Variants in UPF2 observed in about 807,000 individuals in gnomAD.
UPF2 encodes the protein UPF2 regulator of nonsense mediated mRNA decay.
In UPF2, 17 loss-of-function variants were observed where a neutral mutation model predicts 141.4. The observed-to-expected ratio is 0.12, with a 90% CI of 0.08 to 0.18. The LOEUF (loss-of-function observed/expected upper bound fraction) is 0.18, where lower values mean the gene tolerates loss of function less well. Ranked by LOEUF, UPF2 falls within the 10% of genes least tolerant of loss-of-function variation. The probability of loss-of-function intolerance (pLI) is 1.00; values close to 1 mark genes in which losing one functional copy is unlikely to be tolerated. For missense variants in UPF2, 1,152 were observed against 1,515.9 expected, an observed-to-expected ratio of 0.76 and a Z score of 3.99; for synonymous variants, 540 against 498.0, an observed-to-expected ratio of 1.08 and a Z score of -1.12.
At chr10:12,012,328 C>CTGG (rs1834142973) in intron 4 of UPF2, among the ~76,000 whole-genome samples, 1 of 152,026 alleles carries the variant, frequency 6.6e-6, no homozygotes, top group Non-Finnish European at 1.5e-5. Flanking sequence ...TCCCAAAGTG[C>CTGG]TGGGATTAGA....
chr10:12,021,638 A>G (rs1834319718), intron 3 of UPF2, among the ~76,000 whole-genome samples: 1 of 152,236 alleles, frequency 6.6e-6, no homozygotes, highest in Non-Finnish European at 1.5e-5. Context: ...AAATTCTATT[A>G]ATCATTAGCC....
chr10:12,009,627 A>C (rs1834094459), intron 4 of UPF2, among the ~76,000 whole-genome samples: 1 of 152,224 alleles, frequency 6.6e-6, no homozygotes, highest in Non-Finnish European at 1.5e-5. Flanking sequence ...CAGCTCTACA[A>C]TTGCCCCAGC....
intron 14 of UPF2, among the ~76,000 whole-genome samples, chr10:11,954,643 A>ATATATATAT (rs1554775870): frequency 1.1e-4 from 14 of 128,356 alleles, no homozygotes; most frequent in Admixed American, 8.8e-4. Flanking sequence ...CAAAAAAAAA[A>ATATATATAT]ATATATATAT....
In UPF2 at chr10:12,016,996, A is replaced by G. The variant is rs146862158; in HGVS notation, c.1146-2812T>C. Among the ~76,000 whole-genome samples the G allele has an allele frequency of 1.7e-3, 250 of 150,854 alleles. 1 individual carries two copies. The highest frequency in any genetic ancestry group is 5.6e-3 in the African/African-American group (231 of 41,036). On this transcript the variant is annotated intron_variant, in intron 3 of 21. Coordinates refer to ENST00000357604, the MANE Select transcript of UPF2 (RefSeq NM_015542.4). This position sits in a 1 kb window ranked among gnomAD's most constrained non-coding sequence, Gnocchi z 4.1. ...GATTGCACCATTGCACTCCAGCCTG[A>G]GCAACAGAGCGAGACTCCATCTCGG...
At chr10:12,035,735 C>T in intron 1 of UPF2, 1 of 219,212 alleles carries the variant, frequency 4.6e-6, no homozygotes, top group South Asian at 1.5e-4. Context: ...GTACCCATCA[C>T]TCAGATTCAG....
intron 9 of UPF2, among the ~76,000 whole-genome samples, chr10:11,976,431 G>T (rs916025571): frequency 3.9e-5 from 6 of 152,172 alleles, no homozygotes; most frequent in African/African-American, 1.4e-4. Flanking sequence ...AAATGTCTAG[G>T]TGCAAAAGTA....
chr10:11,956,508 G>C lies in UPF2; in HGVS notation c.2386C>G (p.Arg796Gly), dbSNP rs1171586067. Residue 796 changes from arginine (R) to glycine (G), a missense_variant, in exon 13 of 22, where the codon CGA becomes GGA. Around this residue, in one of 4 missense-constraint regions of UPF2, gnomAD observed 739 missense variants for 1,032.2 expected, o/e 0.72. Transcript: ENST00000357604. The surrounding 1 kb of genome is among the most constrained non-coding windows in gnomAD (Gnocchi z 4.2). ...TCTTGGTCCTGCCAGGGCAGCTTTC[G>C]CATCTGTCTCAAAACCTAAAAAAAG... ...VTTEKVLRQMRKLPWQDQEVK... is the reference protein window; with the variant it reads ...VTTEKVLRQMGKLPWQDQEVK... The C allele has an allele frequency of 6.2e-7, 1 of 1,613,346 alleles. No individual in the cohort carries two copies. The highest frequency in any genetic ancestry group is 8.5e-7 in the Non-Finnish European group (1 of 1,179,818).
At chr10:12,031,704 A>C (rs1175153971) in intron 2 of UPF2, among the ~76,000 whole-genome samples, 2 of 152,078 alleles carry the variant, frequency 1.3e-5, no homozygotes, top group African/African-American at 2.4e-5. Context: ...TGAGCCCAGG[A>C]GGTTGAAGCT....
intron 16 of UPF2, among the ~76,000 whole-genome samples, chr10:11,944,145 C>A (rs892556215): frequency 1.3e-5 from 2 of 152,004 alleles, no homozygotes; most frequent in African/African-American, 2.4e-5. Context: ...AATTCCAAAA[C>A]CCCAACAGTG....
chr10:11,942,482 T>G (rs17151077), intron 18 of UPF2, among the ~76,000 whole-genome samples, 183 bp downstream of exon 18: 1 of 152,174 alleles, frequency 6.6e-6, no homozygotes, highest in South Asian at 2.1e-4. Context: ...CTCTACCTCA[T>G]GCAAATCAGG....
At position 12,029,305 on chromosome 10, in the gene UPF2, G is replaced by A. The variant is rs143019950; in HGVS notation, c.585C>T (p.Gly195=). Residue 195 remains glycine (G), a synonymous_variant, in exon 3 of 22, where the codon GGC becomes GGT. Coordinates refer to ENST00000357604, the MANE Select transcript of UPF2 (RefSeq NM_015542.4). The part of the protein sequence containing the change: ...QRDSLSHDFN[G]LNLSKYIAEA... The stretch of plus-strand genomic sequence containing the variant: ...CTGCAATGTATTTGCTTAAATTTAG[G>A]CCATTAAAATCATGGGACAAGGAGT... 6 of 1,614,002 alleles carry A rather than the reference G, an allele frequency of 3.7e-6. No individual in the cohort carries two copies. In the African/African-American group the frequency reaches 6.7e-5, roughly 18 times the overall value.
intron 8 of UPF2, among the ~76,000 whole-genome samples, chr10:11,994,436 A>T (rs1268936541): frequency 6.6e-6 from 1 of 152,200 alleles, no homozygotes; most frequent in Non-Finnish European, 1.5e-5. Context: ...AATCTTTGGG[A>T]GAATACACAA....
At position 12,012,592 on chromosome 10, in the gene UPF2, G is replaced by A. The variant is rs183082775; in HGVS notation, c.1306+1432C>T. Among the ~76,000 whole-genome samples the A allele has an allele frequency of 2.1e-3, 325 of 151,716 alleles. 2 individuals are homozygous for A. Among genetic ancestry groups the A allele is most frequent in the African/African-American group, 7.5e-3 (312 of 41,418 alleles). The stretch of plus-strand genomic sequence containing the variant: ...CCAATTCTCAATCATGAGGTCAGGA[G>A]ATCGAGATCATCCTGGCTAACATGG... On this transcript the variant is annotated intron_variant, in intron 4 of 21. Coordinates refer to ENST00000357604, the MANE Select transcript of UPF2 (RefSeq NM_015542.4).
Position 11,979,001 on chromosome 10 carries a change from T to C in UPF2, c.1953+56A>G. The C allele has an allele frequency of 1.5e-6, 2 of 1,343,928 alleles. No homozygotes were observed. The highest frequency in any genetic ancestry group is 2.5e-5 in the South Asian group (2 of 80,500). 83.3% of individuals were successfully genotyped at this position (1,343,928 alleles called of 1,614,324 possible). On this transcript the variant is annotated intron_variant, in intron 9 of 21. Coordinates refer to ENST00000357604, the MANE Select transcript of UPF2 (RefSeq NM_015542.4). This position sits in a 1 kb window ranked among gnomAD's most constrained non-coding sequence, Gnocchi z 6.2. Reference sequence around the variant, plus strand: ...TACCAACAATTACATTCTTAAAGAATCCTCACTCAACGTATAAGAATATAA... The same window carrying C: ...TACCAACAATTACATTCTTAAAGAACCCTCACTCAACGTATAAGAATATAA...
At chr10:12,035,608 CA>C in intron 1 of UPF2, 167 bp from the exon 2 acceptor site, 1 of 693,024 alleles carries the variant, frequency 1.4e-6, no homozygotes, top group Non-Finnish European at 2.2e-6. Flanking sequence ...TTATTCATCA[CA>C]TTCCACATCC....
chr10:11,925,871 T>C (rs1231200649), intron 21 of UPF2, among the ~76,000 whole-genome samples: 1 of 152,108 alleles, frequency 6.6e-6, no homozygotes, highest in African/African-American at 2.4e-5. Flanking sequence ...GGGAACCAAG[T>C]TGAGGAGTTT....
chr10:11,979,283 A>T lies in UPF2; in HGVS notation c.1845-118T>A, dbSNP rs879790103. On this transcript the variant is annotated intron_variant, in intron 8 of 21. Coordinates refer to ENST00000357604, the MANE Select transcript of UPF2 (RefSeq NM_015542.4). The surrounding 1 kb of genome is among the most constrained non-coding windows in gnomAD (Gnocchi z 6.2). ...AAATGATCTTAAAACTCATAATCAT[A>T]CAGACATGCCTATTTATTGCCATCA... 1.8e-4 allele frequency: 116 copies of T among 629,176 alleles called. 3 individuals carry two copies. In the Admixed American group the frequency reaches 3.5e-3, roughly 19 times the overall value. The allele number at this position is 629,176 out of a possible 1,614,324, so 39.0% of individuals were successfully genotyped here.
chr10:12,027,528 C>T (rs1048411607), intron 3 of UPF2, among the ~76,000 whole-genome samples: 19 of 152,268 alleles, frequency 1.2e-4, no homozygotes, highest in Non-Finnish European at 2.8e-4. Flanking sequence ...CACCATAATC[C>T]TTTTTAGTCC....
rs1476563564 is a variant in UPF2, at chr10:11,921,360, C to T, written c.3810-53G>A. The T allele has an allele frequency of 2.3e-5, 37 of 1,612,376 alleles. No individual in the cohort carries two copies. The highest frequency in any genetic ancestry group is 3.1e-5 in the Non-Finnish European group (37 of 1,178,898). ...AGAGCTTACTGCCACAGGACAAAGT[C>T]CAGCAAGATGGCGTCTGCAACGCTA... On this transcript the variant is annotated intron_variant, in intron 21 of 21. Transcript: ENST00000357604. The surrounding 1 kb of genome is among the most constrained non-coding windows in gnomAD (Gnocchi z 5.9).
Sources: gnomAD v4.1 joint callset for allele counts (sites outside exome capture counted in the v4.1 genomes callset) on GRCh38, gnomAD v4.1.1 for gene constraint, gnomAD v4.1.1 regional missense constraint, Gnocchi (gnomAD v3.1) non-coding constraint, MANE v1.5 for transcripts, NCBI Gene and HGNC (gene_info 2026-07-23, HGNC 2026-07-21) for gene names.